INSM1: variants seen among roughly 807,000 people sequenced by gnomAD.
INSM1 encodes INSM transcriptional repressor 1.
INSM1 carries 11 observed loss-of-function variants against 21.1 expected under a neutral mutation model. That is an observed-to-expected ratio of 0.52 (90% CI 0.33 to 0.86). The LOEUF (loss-of-function observed/expected upper bound fraction) is 0.86, where lower values mean the gene tolerates loss of function less well. INSM1 is among the 40% of genes least tolerant of loss of function. The pLI, the probability that INSM1 is intolerant of heterozygous loss-of-function variation, is 0.03. For synonymous variants in INSM1, 473 were observed against 386.1 expected, an observed-to-expected ratio of 1.23 and a Z score of -2.64; for missense variants, 843 against 760.1, an observed-to-expected ratio of 1.11 and a Z score of -1.28.
In INSM1 at chr20:20,368,136, C is replaced by T; in HGVS notation, c.-132C>T. 1 of 626,174 alleles carries T rather than the reference C, an allele frequency of 1.6e-6. No homozygotes were observed. The highest frequency in any genetic ancestry group is 2.0e-5 in the African/African-American group (1 of 50,258). 38.8% of individuals were successfully genotyped at this position (626,174 alleles called of 1,614,324 possible). On this transcript the variant is annotated 5_prime_UTR_variant, in exon 1 of 1. Coordinates refer to ENST00000310227, the MANE Select transcript of INSM1 (RefSeq NM_002196.3). This position sits in a 1 kb window ranked among gnomAD's most constrained non-coding sequence, Gnocchi z 4.3. ...CGCGCGTGCAGGGCGCAGAGCTGGG[C>T]CGAGCCGTCGCCGGCGCCACGCGAG...
Position 20,369,099 on chromosome 20 carries a change from G to A in INSM1, c.832G>A (p.Asp278Asn). The A allele has an allele frequency of 1.3e-6, 2 of 1,587,084 alleles. No homozygotes were observed. Among genetic ancestry groups the A allele is most frequent in the Non-Finnish European group, 1.7e-6 (2 of 1,171,456 alleles). The change falls in exon 1 of 1, where the codon GAC becomes AAC. Residue 278 changes from aspartate (D) to asparagine (N), a missense_variant. Physicochemically the swap from Asp to Asn is conservative, Grantham distance 23. Transcript: ENST00000310227. This position sits in a 1 kb window ranked among gnomAD's most constrained non-coding sequence, Gnocchi z 5.6. ...ICQLCKEEYADPFALAQHKCS... is the reference protein window; with the variant it reads ...ICQLCKEEYANPFALAQHKCS... The stretch of plus-strand genomic sequence containing the variant: ...CCAGCTGTGCAAGGAGGAGTACGCC[G>A]ACCCGTTCGCGCTGGCGCAGCACAA...
In INSM1 at chr20:20,368,427, C is replaced by T; in HGVS notation, c.160C>T (p.Pro54Ser). 10 of 986,884 alleles carry T rather than the reference C, an allele frequency of 1.0e-5. No homozygotes were observed. Among genetic ancestry groups the T allele is most frequent in the Non-Finnish European group, 1.2e-5 (10 of 832,386 alleles). The allele number at this position is 986,884 out of a possible 1,614,324, so 61.1% of individuals were successfully genotyped here. ...GCCGAGCCCGGTCCCCGGGCCGCTG[C>T]CGCCGCCGCCGCCCGCGGAGCGCGC... ...PAPSPVPGPL[P>S]PPPPAERAHA... Residue 54 changes from proline to serine, a missense_variant, in exon 1 of 1, where the codon CCG becomes TCG. Coordinates refer to ENST00000310227, the MANE Select transcript of INSM1 (RefSeq NM_002196.3). This position sits in a 1 kb window ranked among gnomAD's most constrained non-coding sequence, Gnocchi z 4.3.
Position 20,368,187 on chromosome 20 carries a change from T to G in INSM1, c.-81T>G, listed in dbSNP as rs1219497948. ...TCCCGCAGCCGCCGCGCCCGGGCAA[T>G]GGGCCGGGGGCACTGAGGGCCGCCG... On this transcript the variant is annotated 5_prime_UTR_variant, in exon 1 of 1. It removes an upstream start codon present in the reference 5' UTR. Coordinates refer to ENST00000310227, the MANE Select transcript of INSM1 (RefSeq NM_002196.3). This position sits in a 1 kb window ranked among gnomAD's most constrained non-coding sequence, Gnocchi z 4.3. The G allele has an allele frequency of 4.1e-6, 4 of 987,040 alleles. No individual in the cohort carries two copies. The African/African-American group carries it at 7.1e-5, about 17-fold the overall frequency. The allele number at this position is 987,040 out of a possible 1,614,324, so 61.1% of individuals were successfully genotyped here. A position where few individuals can be genotyped will look rare whatever the true frequency, so the allele number is the denominator to read the frequency against.
At position 20,368,587 on chromosome 20, in the gene INSM1, G is replaced by A; in HGVS notation, c.320G>A (p.Ser107Asn). The change falls in exon 1 of 1, where the codon AGC becomes AAC. Residue 107 changes from serine to asparagine, a missense_variant. Transcript: ENST00000310227. This position sits in a 1 kb window ranked among gnomAD's most constrained non-coding sequence, Gnocchi z 4.3. ...APLYSPTRPV[S>N]REHEKHKYFE... ...CTCTACAGTCCCACGCGGCCCGTGA[G>A]CCGCGAGCACGAGAAGCACAAGTAC... The A allele has an allele frequency of 1.4e-6, 2 of 1,467,014 alleles. No individual in the cohort carries two copies. The highest frequency in any genetic ancestry group is 1.8e-6 in the Non-Finnish European group (2 of 1,097,570). 90.9% of individuals were successfully genotyped at this position (1,467,014 alleles called of 1,614,324 possible). A position where few individuals can be genotyped will look rare whatever the true frequency, so the allele number is the denominator to read the frequency against.
Position 20,370,369 on chromosome 20 carries a change from A to T in INSM1, c.*569A>T, listed in dbSNP as rs1029234014. 1 of 167,056 alleles carries T rather than the reference A, an allele frequency of 6.0e-6. No homozygotes were observed. Among genetic ancestry groups the T allele is most frequent in the Non-Finnish European group, 1.5e-5 (1 of 68,132 alleles). The allele number at this position is 167,056 out of a possible 1,614,324, so 10.3% of individuals were successfully genotyped here. A position where few individuals can be genotyped will look rare whatever the true frequency, so the allele number is the denominator to read the frequency against. ...TGTATGTGAACAAATCAAATTGCTT[A>T]AAAAAGAGTTTTCTTTAGTATAGCC... On this transcript the variant is annotated 3_prime_UTR_variant, in exon 1 of 1. Coordinates refer to ENST00000310227, the MANE Select transcript of INSM1 (RefSeq NM_002196.3).
Position 20,370,000 on chromosome 20 carries a change from C to T in INSM1, c.*200C>T, listed in dbSNP as rs1311792112. On this transcript the variant is annotated 3_prime_UTR_variant, in exon 1 of 1. Transcript: ENST00000310227. This position sits in a 1 kb window ranked among gnomAD's most constrained non-coding sequence, Gnocchi z 5.6. ...CTCCTTTTGACTCCTTTTGGAACCCCCACTTTTACGTTGTGTCCCTCCGCC... is the reference window on the plus strand; with the variant it reads ...CTCCTTTTGACTCCTTTTGGAACCCTCACTTTTACGTTGTGTCCCTCCGCC... 7.2e-6 allele frequency: 4 copies of T among 551,774 alleles called. No homozygotes were observed. The highest frequency in any genetic ancestry group is 1.3e-5 in the Non-Finnish European group (4 of 309,806). 34.2% of individuals were successfully genotyped at this position (551,774 alleles called of 1,614,324 possible).
Position 20,369,883 on chromosome 20 carries a change from G to C in INSM1, c.*83G>C. On this transcript the variant is annotated 3_prime_UTR_variant, in exon 1 of 1. Transcript: ENST00000310227. This position sits in a 1 kb window ranked among gnomAD's most constrained non-coding sequence, Gnocchi z 5.6. Reference sequence around the variant, plus strand: ...AGTGCGCCCTGCACTCCCCGAACCCGAGTCCGCGCTGGGGGAGCCTCGCCC... The same window carrying C: ...AGTGCGCCCTGCACTCCCCGAACCCCAGTCCGCGCTGGGGGAGCCTCGCCC... The C allele has an allele frequency of 8.0e-7, 1 of 1,247,664 alleles. No homozygotes were observed. The highest frequency in any genetic ancestry group is 1.6e-5 in the South Asian group (1 of 63,802). 77.3% of individuals were successfully genotyped at this position (1,247,664 alleles called of 1,614,324 possible).
At position 20,369,485 on chromosome 20, in the gene INSM1, C is replaced by T. The variant is rs765907616; in HGVS notation, c.1218C>T (p.Asp406=). Residue 406 remains aspartate, a synonymous_variant, in exon 1 of 1, where the codon GAC becomes GAT. Transcript: ENST00000310227. The surrounding 1 kb of genome is among the most constrained non-coding windows in gnomAD (Gnocchi z 5.6). ...KGAPLAPPAE[D]LLALYPGPDE... ...CGCCGCTAGCGCCCCCGGCCGAGGA[C>T]CTACTGGCCTTGTACCCCGGGCCCG... The T allele has an allele frequency of 3.1e-5, 47 of 1,538,408 alleles. No individual in the cohort carries two copies. The highest frequency in any genetic ancestry group is 3.9e-5 in the Non-Finnish European group (45 of 1,151,612).
chr20:20,368,917 C>A lies in INSM1; in HGVS notation c.650C>A (p.Ala217Asp). ...GAGCCGCCCGCCAAGGCAGTCAAGG[C>A]CCCGGGCGCCAAGAAGCCCAAGGCC... is the stretch of plus-strand genomic sequence containing the variant. ...AAEPPAKAVK[A>D]PGAKKPKAIR... is the part of the protein sequence containing the mutation. The change falls in exon 1 of 1, where the codon GCC becomes GAC. Residue 217 changes from alanine (A) to aspartate (D), a missense_variant. By Grantham distance (126) the Ala-to-Asp change is moderately radical. Transcript: ENST00000310227. This position sits in a 1 kb window ranked among gnomAD's most constrained non-coding sequence, Gnocchi z 4.3. 6.6e-7 allele frequency: 1 copy of A among 1,515,096 alleles called. No individual in the cohort carries two copies. The highest frequency in any genetic ancestry group is 2.1e-5 in the Admixed American group (1 of 46,886). The allele number at this position is 1,515,096 out of a possible 1,614,324, so 93.9% of individuals were successfully genotyped here.
rs1331152880 is a variant in INSM1, at chr20:20,370,089, T to A, written c.*289T>A. 5 of 380,310 alleles carry A rather than the reference T, an allele frequency of 1.3e-5. No individual in the cohort carries two copies. Among genetic ancestry groups the A allele is most frequent in the Non-Finnish European group, 2.4e-5 (5 of 204,554 alleles). The allele number at this position is 380,310 out of a possible 1,614,324, so 23.6% of individuals were successfully genotyped here. ...AAGGGAGAAAAGCTGTACGCGTTTG[T>A]CTCGTGGTTGGAAGCCTCCCCTTGG... On this transcript the variant is annotated 3_prime_UTR_variant, in exon 1 of 1. Coordinates refer to ENST00000310227, the MANE Select transcript of INSM1 (RefSeq NM_002196.3).
rs1283394181 is a variant in INSM1, at chr20:20,368,856, C to T, written c.589C>T (p.Pro197Ser). The change falls in exon 1 of 1, where the codon CCC becomes TCC. Residue 197 changes from proline to serine, a missense_variant. Coordinates refer to ENST00000310227, the MANE Select transcript of INSM1 (RefSeq NM_002196.3). The surrounding 1 kb of genome is among the most constrained non-coding windows in gnomAD (Gnocchi z 4.3). ...PPLPPAAALR[P>S]PGKRPPPPTA... ...ACTGCCCCCTGCCGCCGCCCTGCGG[C>T]CCCCGGGAAAGCGGCCCCCGCCCCC... 1 of 1,344,880 alleles carries T rather than the reference C, an allele frequency of 7.4e-7. No homozygotes were observed. The highest frequency in any genetic ancestry group is 2.8e-4 in the Middle Eastern group (1 of 3,576). 83.3% of individuals were successfully genotyped at this position (1,344,880 alleles called of 1,614,324 possible).
Position 20,369,229 on chromosome 20 carries a change from C to G in INSM1, c.962C>G (p.Pro321Arg), listed in dbSNP as rs1441219891. 2 of 1,463,990 alleles carry G rather than the reference C, an allele frequency of 1.4e-6. No homozygotes were observed. The highest frequency in any genetic ancestry group is 9.0e-7 in the Non-Finnish European group (1 of 1,115,702). 90.7% of individuals were successfully genotyped at this position (1,463,990 alleles called of 1,614,324 possible). The change falls in exon 1 of 1, where the codon CCC becomes CGC. Residue 321 changes from proline (P) to arginine (R), a missense_variant. Pro to Arg is a moderately radical substitution (Grantham distance 103). Coordinates refer to ENST00000310227, the MANE Select transcript of INSM1 (RefSeq NM_002196.3). This position sits in a 1 kb window ranked among gnomAD's most constrained non-coding sequence, Gnocchi z 5.6. ...CACCGCCGCTGGCACAAACCGCGGCCCGCGCCCGCCGCCGCCCGCGCGCCG... is the reference window on the plus strand; with the variant it reads ...CACCGCCGCTGGCACAAACCGCGGCGCGCGCCCGCCGCCGCCCGCGCGCCG... ...ASHRRWHKPR[P>R]APAAARAPEP...
Position 20,369,790 on chromosome 20 carries a change from C to G in INSM1, c.1523C>G (p.Pro508Arg). 1 of 1,595,644 alleles carries G rather than the reference C, an allele frequency of 6.3e-7. No homozygotes were observed. The highest frequency in any genetic ancestry group is 8.5e-7 in the Non-Finnish European group (1 of 1,171,258). Residue 508 changes from proline (P) to arginine (R), a missense_variant, in exon 1 of 1, where the codon CCG becomes CGG. By Grantham distance (103) the Pro-to-Arg change is moderately radical. Transcript: ENST00000310227. The surrounding 1 kb of genome is among the most constrained non-coding windows in gnomAD (Gnocchi z 5.6). ...ATCCTCCTGCAGGTGCCCGTGCGCCCGGCCTGCTAGAGCGCGCCCTCCACC... is the reference window on the plus strand; with the variant it reads ...ATCCTCCTGCAGGTGCCCGTGCGCCGGGCCTGCTAGAGCGCGCCCTCCACC... ...QVILLQVPVR[P>R]AC
chr20:20,369,977 C>A lies in INSM1; in HGVS notation c.*177C>A, dbSNP rs546959524. ...TGGCGTGACGGTAACCCCATACTCT[C>A]CTTTTGACTCCTTTTGGAACCCCCA... On this transcript the variant is annotated 3_prime_UTR_variant, in exon 1 of 1. Coordinates refer to ENST00000310227, the MANE Select transcript of INSM1 (RefSeq NM_002196.3). The surrounding 1 kb of genome is among the most constrained non-coding windows in gnomAD (Gnocchi z 5.6). 3.3e-4 allele frequency: 194 copies of A among 585,550 alleles called. 2 individuals are homozygous for A. In the South Asian group the frequency reaches 4.6e-3, roughly 14 times the overall value. The allele number at this position is 585,550 out of a possible 1,614,324, so 36.3% of individuals were successfully genotyped here.
At position 20,368,331 on chromosome 20, in the gene INSM1, G is replaced by T; in HGVS notation, c.64G>T (p.Gly22Cys). Reference sequence around the variant, plus strand: ...CACGCCCGTTTCCTACCGGGTCCGCGGCGGCGAGGACGGCGACCGCGCACT... The same window carrying T: ...CACGCCCGTTTCCTACCGGGTCCGCTGCGGCGAGGACGGCGACCGCGCACT... ...KSTPVSYRVR[G>C]GEDGDRALLL... The change falls in exon 1 of 1, where the codon GGC becomes TGC. Residue 22 changes from glycine (G) to cysteine (C), a missense_variant. By Grantham distance (159) the Gly-to-Cys change is radical (BLOSUM62 -3). Coordinates refer to ENST00000310227, the MANE Select transcript of INSM1 (RefSeq NM_002196.3). The surrounding 1 kb of genome is among the most constrained non-coding windows in gnomAD (Gnocchi z 4.3). The T allele has an allele frequency of 7.8e-7, 1 of 1,289,470 alleles. No individual in the cohort carries two copies. Among genetic ancestry groups the T allele is most frequent in the Non-Finnish European group, 1.0e-6 (1 of 1,001,350 alleles). The allele number at this position is 1,289,470 out of a possible 1,614,324, so 79.9% of individuals were successfully genotyped here.
rs1226329774 is a variant in INSM1, at chr20:20,368,504, C to A, written c.237C>A (p.Pro79=). 2 of 1,199,262 alleles carry A rather than the reference C, an allele frequency of 1.7e-6. No individual in the cohort carries two copies. The highest frequency in any genetic ancestry group is 2.1e-6 in the Non-Finnish European group (2 of 953,388). 74.3% of individuals were successfully genotyped at this position (1,199,262 alleles called of 1,614,324 possible). The change falls in exon 1 of 1, where the codon CCC becomes CCA. Residue 79 remains proline (P), a synonymous_variant. Coordinates refer to ENST00000310227, the MANE Select transcript of INSM1 (RefSeq NM_002196.3). This position sits in a 1 kb window ranked among gnomAD's most constrained non-coding sequence, Gnocchi z 4.3. ...CCTGCGCGCCTGGGCCGCAGCCACC[C>A]CCGCAGGGCCCGCGGGCCGCGCACT... ...ALACAPGPQP[P]PQGPRAAHFG...
At position 20,368,253 on chromosome 20, in the gene INSM1, T is replaced by C; in HGVS notation, c.-15T>C. On this transcript the variant is annotated 5_prime_UTR_variant, in exon 1 of 1. Coordinates refer to ENST00000310227, the MANE Select transcript of INSM1 (RefSeq NM_002196.3). The surrounding 1 kb of genome is among the most constrained non-coding windows in gnomAD (Gnocchi z 4.3). The stretch of plus-strand genomic sequence containing the variant: ...GGGGGACCGAGCCAGTGCCGTGCCC[T>C]CGGGCCGCGCCAACATGCCCCGCGG... 1 of 1,221,798 alleles carries C rather than the reference T, an allele frequency of 8.2e-7. No individual in the cohort carries two copies. The highest frequency in any genetic ancestry group is 1.0e-6 in the Non-Finnish European group (1 of 967,258). The allele number at this position is 1,221,798 out of a possible 1,614,324, so 75.7% of individuals were successfully genotyped here. A position where few individuals can be genotyped will look rare whatever the true frequency, so the allele number is the denominator to read the frequency against.
rs941715893 is a variant in INSM1 at position 20,369,221 on chromosome 20, A to G, written c.954A>G (p.Lys318=). The part of the protein sequence containing the change: ...ANLASHRRWH[K]PRPAPAAARA... Reference sequence around the variant, plus strand: ...TGGCCTCGCACCGCCGCTGGCACAAACCGCGGCCCGCGCCCGCCGCCGCCC... The same window carrying G: ...TGGCCTCGCACCGCCGCTGGCACAAGCCGCGGCCCGCGCCCGCCGCCGCCC... The change falls in exon 1 of 1, where the codon AAA becomes AAG. Residue 318 remains lysine, a synonymous_variant. Coordinates refer to ENST00000310227, the MANE Select transcript of INSM1 (RefSeq NM_002196.3). The surrounding 1 kb of genome is among the most constrained non-coding windows in gnomAD (Gnocchi z 5.6). 1.4e-4 allele frequency: 209 copies of G among 1,487,306 alleles called. No individual in the cohort carries two copies. Among genetic ancestry groups the G allele is most frequent in the Non-Finnish European group, 1.7e-4 (197 of 1,126,634 alleles). 92.1% of individuals were successfully genotyped at this position (1,487,306 alleles called of 1,614,324 possible).
In INSM1 at chr20:20,369,207, C is replaced by A; in HGVS notation, c.940C>A (p.Arg314Ser). 1 of 1,539,862 alleles carries A rather than the reference C, an allele frequency of 6.5e-7. No homozygotes were observed. The highest frequency in any genetic ancestry group is 8.7e-7 in the Non-Finnish European group (1 of 1,151,616). The change falls in exon 1 of 1, where the codon CGC (arginine) becomes AGC (serine). Residue 314 changes from arginine (R) to serine (S), a missense_variant. Transcript: ENST00000310227. This position sits in a 1 kb window ranked among gnomAD's most constrained non-coding sequence, Gnocchi z 5.6. ...CTGCCCGGCCAACCTGGCCTCGCACCGCCGCTGGCACAAACCGCGGCCCGC... is the reference window on the plus strand; with the variant it reads ...CTGCCCGGCCAACCTGGCCTCGCACAGCCGCTGGCACAAACCGCGGCCCGC... ...FSCPANLASHRRWHKPRPAPA... is the reference protein window; with the variant it reads ...FSCPANLASHSRWHKPRPAPA...
Sources: gnomAD v4.1 joint callset for allele counts on GRCh38, gnomAD v4.1.1 for gene constraint, Gnocchi (gnomAD v3.1) non-coding constraint, MANE v1.5 for transcripts, NCBI Gene and HGNC (gene_info 2026-07-23, HGNC 2026-07-21) for gene names.